The following RYR3 variants were observed in gnomAD, a reference collection of about 807,000 sequenced individuals.
RYR3 encodes brain ryanodine receptor-calcium release channel.
Under a neutral mutation model 584.3 loss-of-function variants are expected in RYR3, and 207 were observed. The ratio of observed to expected loss-of-function variants is 0.35; its 90% CI spans 0.32 to 0.40. RYR3 has a LOEUF of 0.40. Ranked by LOEUF, RYR3 falls within the 10% of genes least tolerant of loss-of-function variation. The pLI is 1.00. For synonymous variants in RYR3, 2,416 were observed against 2,248.5 expected, an observed-to-expected ratio of 1.07 and a Z score of -2.11; for missense variants, 5,616 against 6,089.2, an observed-to-expected ratio of 0.92 and a Z score of 2.59.
chr15:33,321,694 T>C (rs1968987807), intron 1 of RYR3, among the ~76,000 whole-genome samples: 1 of 151,978 alleles, frequency 6.6e-6, no homozygotes, highest in Admixed American at 6.5e-5. Context: ...AGACGGGAAA[T>C]TTAATAATAA....
At chr15:33,635,164 C>T (rs1444242720) in intron 25 of RYR3, among the ~76,000 whole-genome samples, 1 of 152,132 alleles carries the variant, frequency 6.6e-6, no homozygotes, top group African/African-American at 2.4e-5. Flanking sequence ...CTGTTATTGT[C>T]ATCCCATGCC....
At chr15:33,477,993 T>C (rs2142296780) in intron 2 of RYR3, among the ~76,000 whole-genome samples, 1 of 152,062 alleles carries the variant, frequency 6.6e-6, no homozygotes, top group South Asian at 2.1e-4. Flanking sequence ...TTATTTACTT[T>C]CCTTTTTACT....
At chr15:33,815,997 T>C (rs2076794205) in intron 74 of RYR3, 1 of 397,702 alleles carries the variant, frequency 2.5e-6, no homozygotes, top group African/African-American at 2.1e-5. Flanking sequence ...GACCATGATT[T>C]AACGTTACCA....
intron 1 of RYR3, among the ~76,000 whole-genome samples, chr15:33,397,890 A>G (rs1236576732): frequency 6.6e-6 from 1 of 152,084 alleles, no homozygotes; most frequent in African/African-American, 2.4e-5. Flanking sequence ...AATGAGGCCT[A>G]TTTGATCTCC....
In RYR3 at chr15:33,367,881, T is replaced by C. The variant is rs74007937; in HGVS notation, c.51+56785T>C. On this transcript the variant is annotated intron_variant, in intron 1 of 103. Coordinates refer to ENST00000634891, the MANE Select transcript of RYR3 (RefSeq NM_001036.6). ...CTATTTTGCAGATATGAAAATTAAG[T>C]TATTGCAGAGATAACTTACTTACAT... is the stretch of plus-strand genomic sequence containing the variant. Among the ~76,000 whole-genome samples, 182 of 152,358 alleles carry C rather than the reference T, an allele frequency of 1.2e-3. 1 individual carries two copies. The highest frequency in any genetic ancestry group is 4.2e-3 in the African/African-American group (174 of 41,582).
At chr15:33,857,459 T>TA (rs1342053889) in intron 98 of RYR3, among the ~76,000 whole-genome samples, 1 of 152,118 alleles carries the variant, frequency 6.6e-6, no homozygotes, top group Non-Finnish European at 1.5e-5. Flanking sequence ...TTGAAGGCTG[T>TA]ATCTCCATCT....
At chr15:33,779,508 G>A (rs1364103108) in intron 64 of RYR3, among the ~76,000 whole-genome samples, 3 of 152,146 alleles carry the variant, frequency 2.0e-5, no homozygotes, top group African/African-American at 7.2e-5. Flanking sequence ...GTGCTTTGGT[G>A]TGCTACCTAC....
At chr15:33,586,235 G>A (rs2058840990) in intron 16 of RYR3, 119 bp downstream of exon 16, 1 of 683,512 alleles carries the variant, frequency 1.5e-6, no homozygotes, top group Non-Finnish European at 2.6e-6. Flanking sequence ...TAAAAATCTT[G>A]GGAAACTGGA....
At chr15:33,617,352 C>T (rs12101558) in intron 19 of RYR3, among the ~76,000 whole-genome samples, 7,776 of 151,774 alleles carry the variant, frequency 0.051, 706 homozygotes, top group African/African-American at 0.18. Flanking sequence ...GCGGAGCTTG[C>T]GGTGAGCAGA....
chr15:33,793,209 G>T (rs184264208), intron 67 of RYR3, among the ~76,000 whole-genome samples: 1 of 152,164 alleles, frequency 6.6e-6, no homozygotes, highest in Non-Finnish European at 1.5e-5. Context: ...GGGTGTAGGG[G>T]AGTGCAGAAC....
At chr15:33,771,758 G>A (rs745681815) in intron 62 of RYR3, among the ~76,000 whole-genome samples, 162 bp from the exon 63 acceptor site, 18 of 152,150 alleles carry the variant, frequency 1.2e-4, no homozygotes, top group Non-Finnish European at 2.2e-4. Flanking sequence ...TGTGATTCAG[G>A]TTTCTTCCTG....
rs2048416091 is a variant in RYR3, at chr15:33,465,582, C to T, written c.52-7837C>T. The T allele has an allele frequency of 7.6e-6, 3 of 396,238 alleles. No individual in the cohort carries two copies. In the Middle Eastern group the frequency reaches 2.2e-3, roughly 296 times the overall value. 24.5% of individuals were successfully genotyped at this position (396,238 alleles called of 1,614,324 possible). A position where few individuals can be genotyped will look rare whatever the true frequency, so the allele number is the denominator to read the frequency against. ...AGGCCATAGTAAGATAAGAATTCTG[C>T]CTTTTCCTTAAGTAAGATGGAAAGT... On this transcript the variant is annotated intron_variant, in intron 1 of 103. Coordinates refer to ENST00000634891, the MANE Select transcript of RYR3 (RefSeq NM_001036.6).
chr15:33,579,985 T>A lies in RYR3; in HGVS notation c.1278T>A (p.Asn426Lys), dbSNP rs1185587490. 4 of 1,608,734 alleles carry A rather than the reference T, an allele frequency of 2.5e-6. No individual in the cohort carries two copies. The highest frequency in any genetic ancestry group is 3.4e-6 in the Non-Finnish European group (4 of 1,177,508). The change falls in exon 13 of 104, where the codon AAT (asparagine) becomes AAA (lysine). Residue 426 changes from asparagine (N) to lysine (K), a missense_variant. By Grantham distance (94) the Asn-to-Lys change is moderately conservative (BLOSUM62 0). Coordinates refer to ENST00000634891, the MANE Select transcript of RYR3 (RefSeq NM_001036.6). Reference sequence around the variant, plus strand: ...ATCTCATGGTTTTTAGCGGAAACAATCGCACAGCTGCCCCCATCACCCTGC... The same window carrying A: ...ATCTCATGGTTTTTAGCGGAAACAAACGCACAGCTGCCCCCATCACCCTGC... ...ALFSQFVSGN[N>K]RTAAPITLPI...
chr15:33,755,173 C>A lies in RYR3; in HGVS notation c.8508C>A (p.Ala2836=), dbSNP rs202071959. The change falls in exon 58 of 104, where the codon GCC becomes GCA. Residue 2836 remains alanine, a synonymous_variant. Coordinates refer to ENST00000634891, the MANE Select transcript of RYR3 (RefSeq NM_001036.6). The part of the protein sequence containing the change: ...KYVDSAQEFI[A]HLEAIVSSGK... ...TTGATTCTGCTCAAGAATTTATTGC[C>A]CATTTAGGTAAGTATCATCATGAAA... 14 of 1,579,546 alleles carry A rather than the reference C, an allele frequency of 8.9e-6. No homozygotes were observed. In the African/African-American group the frequency reaches 1.6e-4, roughly 18 times the overall value.
At chr15:33,509,729 C>G (rs1194901475) in intron 3 of RYR3, among the ~76,000 whole-genome samples, 1 of 152,118 alleles carries the variant, frequency 6.6e-6, no homozygotes, top group East Asian at 1.9e-4. Flanking sequence ...TGTTAAAAGC[C>G]TGAATTTCCT....
chr15:33,671,670 A>G (rs576173725), intron 38 of RYR3, among the ~76,000 whole-genome samples: 12 of 152,272 alleles, frequency 7.9e-5, no homozygotes, highest in African/African-American at 2.6e-4. Context: ...TAAAGCCACA[A>G]AAACGTGAGT....
At chr15:33,843,893 A>G (rs1158434233) in intron 92 of RYR3, among the ~76,000 whole-genome samples, 1 of 152,232 alleles carries the variant, frequency 6.6e-6, no homozygotes, top group African/African-American at 2.4e-5. Flanking sequence ...TGAGTAATAA[A>G]TAAAATTCTT....
chr15:33,564,445 T>A (rs935138692), intron 11 of RYR3, among the ~76,000 whole-genome samples: 2 of 152,112 alleles, frequency 1.3e-5, no homozygotes, highest in African/African-American at 4.8e-5. Flanking sequence ...TCCGTTGATC[T>A]TTAGAAGAGC....
chr15:33,418,327 AG>A (rs930634339), intron 1 of RYR3, among the ~76,000 whole-genome samples: 39 of 148,134 alleles, frequency 2.6e-4, no homozygotes, highest in African/African-American at 9.5e-4. Flanking sequence ...TCTCGTTGGC[AG>A]GTTTTTTTTT....
Sources: gnomAD v4.1 joint callset for allele counts (sites outside exome capture counted in the v4.1 genomes callset) on GRCh38, gnomAD v4.1.1 for gene constraint, MANE v1.5 for transcripts, NCBI Gene and HGNC (gene_info 2026-07-23, HGNC 2026-07-21) for gene names.